TNIP3: variants seen among roughly 807,000 people sequenced by gnomAD.
TNIP3 encodes TNFAIP3 interacting protein 3, also known as TNFAIP3-interacting protein 3.
In TNIP3, 34 loss-of-function variants were observed where a neutral mutation model predicts 54.1. The observed-to-expected ratio is 0.63, with a 90% CI of 0.48 to 0.84. The LOEUF is 0.84. Among genes scored for constraint, TNIP3 ranks in the 40% least tolerant of loss-of-function variants. The pLI, the probability that TNIP3 is intolerant of heterozygous loss-of-function variation, is 0.00. For synonymous variants in TNIP3, 134 were observed against 136.8 expected (o/e 0.98, Z 0.14); for missense variants, 366 against 387.6 (o/e 0.94, Z 0.47).
At chr4:121,160,286 C>A (rs1003217125) in intron 2 of TNIP3, among the ~76,000 whole-genome samples, 2 of 152,050 alleles carry the variant, frequency 1.3e-5, no homozygotes, top group Non-Finnish European at 2.9e-5. Context: ...CTAGACCAGG[C>A]TGGCCAAAAT....
intron 2 of TNIP3, among the ~76,000 whole-genome samples, chr4:121,214,398 A>G (rs991050851): frequency 1.3e-5 from 2 of 152,200 alleles, no homozygotes; most frequent in African/African-American, 4.8e-5. Flanking sequence ...ATTCTACATA[A>G]TTTTCATCAT....
At position 121,161,119 on chromosome 4, in the gene TNIP3, G is replaced by A. The variant is rs367764399; in HGVS notation, c.147+17C>T. The A allele has an allele frequency of 2.8e-5, 44 of 1,550,016 alleles. 1 individual carries two copies. The highest frequency in any genetic ancestry group is 3.4e-4 in the Middle Eastern group (2 of 5,954). The stretch of plus-strand genomic sequence containing the variant: ...AATCCATGGCACCTGTGGCTTTAGC[G>A]AATATTTCTAAGTTACCTCTTTTCT... On this transcript the variant is annotated intron_variant, in intron 2 of 10. Transcript: ENST00000057513.
At chr4:121,205,546 GC>G in intron 2 of TNIP3, among the ~76,000 whole-genome samples, 1 of 152,302 alleles carries the variant, frequency 6.6e-6, no homozygotes, top group East Asian at 1.9e-4. Context: ...GTTTAGAACA[GC>G]CTGTAGGGAA....
chr4:121,222,779 G>A (rs1311333719), intron 1 of TNIP3, among the ~76,000 whole-genome samples: 1 of 150,070 alleles, frequency 6.7e-6, no homozygotes, highest in African/African-American at 2.5e-5. Context: ...TCATGAAAAT[G>A]TGGAGCTGAG....
At chr4:121,170,090 T>G (rs1364298108) in intron 3 of TNIP3, among the ~76,000 whole-genome samples, 1 of 152,216 alleles carries the variant, frequency 6.6e-6, no homozygotes, top group Non-Finnish European at 1.5e-5. Flanking sequence ...TCCCCTGGTC[T>G]TCCAGAGTGG....
intron 3 of TNIP3, among the ~76,000 whole-genome samples, chr4:121,180,394 C>T (rs927107649): frequency 5.3e-5 from 8 of 150,878 alleles, no homozygotes; most frequent in South Asian, 2.1e-4. Context: ...AGCGAGACTC[C>T]GCCTCAGAAA....
At chr4:121,156,316 G>A (rs1730084934) in intron 4 of TNIP3, among the ~76,000 whole-genome samples, 1 of 152,144 alleles carries the variant, frequency 6.6e-6, no homozygotes, top group Non-Finnish European at 1.5e-5. Context: ...GGCCATTAGA[G>A]TTTAAGGTTT....
At chr4:121,196,435 G>C (rs1390242056) in intron 2 of TNIP3, among the ~76,000 whole-genome samples, 1 of 151,988 alleles carries the variant, frequency 6.6e-6, no homozygotes, top group South Asian at 2.1e-4. Context: ...ATAATATTTG[G>C]CTCTAAAGAG....
chr4:121,193,059 A>G (rs74909505), intron 2 of TNIP3, among the ~76,000 whole-genome samples: 3,307 of 152,328 alleles, frequency 0.022, 76 homozygotes, highest in Admixed American at 0.035. Context: ...TACCCTATAC[A>G]TAATAACAAC....
intron 1 of TNIP3, 119 bp from the exon 2 acceptor site, chr4:121,161,335 C>G: frequency 1.3e-6 from 1 of 771,498 alleles, no homozygotes; most frequent in Non-Finnish European, 2.1e-6. Flanking sequence ...TAAAAAATAC[C>G]TGATTCTAGC....
chr4:121,215,281 G>T (rs753828737), intron 2 of TNIP3, among the ~76,000 whole-genome samples: 1 of 152,078 alleles, frequency 6.6e-6, no homozygotes, highest in Non-Finnish European at 1.5e-5. Context: ...CAGACACACA[G>T]GATCTCAGAA....
upstream of TNIP3, among the ~76,000 whole-genome samples, chr4:121,167,868 C>G (rs1449883382): frequency 6.6e-6 from 1 of 152,102 alleles, no homozygotes; most frequent in African/African-American, 2.4e-5. Flanking sequence ...ACTCGAGACT[C>G]CTGTATTAAT....
intron 2 of TNIP3, among the ~76,000 whole-genome samples, chr4:121,197,405 G>A (rs1040341277): frequency 2.0e-5 from 3 of 151,918 alleles, no homozygotes; most frequent in Non-Finnish European, 4.4e-5. Context: ...GCGGGTGCCT[G>A]TAGTCCCAGC....
chr4:121,220,871 G>T (rs1726998885), upstream of TNIP3, among the ~76,000 whole-genome samples: 1 of 152,124 alleles, frequency 6.6e-6, no homozygotes, highest in African/African-American at 2.4e-5. Flanking sequence ...ATGAAAAAGA[G>T]CAATACGTTC....
intron 2 of TNIP3, among the ~76,000 whole-genome samples, chr4:121,199,303 T>C (rs1001889366): frequency 1.3e-5 from 2 of 152,210 alleles, no homozygotes; most frequent in African/African-American, 4.8e-5. Context: ...TGATAATATC[T>C]ACAGCACACT....
chr4:121,215,759 T>A (rs1726754824), intron 2 of TNIP3, among the ~76,000 whole-genome samples: 1 of 152,008 alleles, frequency 6.6e-6, no homozygotes, highest in Non-Finnish European at 1.5e-5. Context: ...CCATATATGA[T>A]GCTTAGGCAT....
Position 121,158,772 on chromosome 4 carries a change from G to A in TNIP3, c.148-20C>T. ...CAGGAGCTGAAATCATTAAAATTTG[G>A]TGAATCAACAAAGAATTTCTGCCCA... is the stretch of plus-strand genomic sequence containing the variant. On this transcript the variant is annotated intron_variant, in intron 2 of 10. Transcript: ENST00000057513. 17 of 1,595,410 alleles carry A rather than the reference G, an allele frequency of 1.1e-5. No homozygotes were observed. Among genetic ancestry groups the A allele is most frequent in the Non-Finnish European group, 1.4e-5 (16 of 1,171,290 alleles).
intron 3 of TNIP3, among the ~76,000 whole-genome samples, chr4:121,175,935 A>T (rs914553883): frequency 1.3e-5 from 2 of 152,198 alleles, no homozygotes; most frequent in Admixed American, 1.3e-4. Context: ...ATAGAGTTCA[A>T]GCTGGGCATA....
intron 2 of TNIP3, among the ~76,000 whole-genome samples, chr4:121,197,798 G>A (rs966625565): frequency 1.6e-4 from 24 of 152,148 alleles, no homozygotes; most frequent in African/African-American, 5.3e-4. Flanking sequence ...AAGATTGTTG[G>A]TATTATTCTT....
Sources: gnomAD v4.1 joint callset for allele counts (sites outside exome capture counted in the v4.1 genomes callset) on GRCh38, gnomAD v4.1.1 for gene constraint, MANE v1.5 for transcripts, NCBI Gene and HGNC (gene_info 2026-07-23, HGNC 2026-07-21) for gene names.